Variants in ANKS1B observed in about 807,000 individuals in gnomAD.
ANKS1B encodes ankyrin repeat and sterile alpha motif domain-containing protein 1B.
A neutral mutation model predicts 148.3 loss-of-function variants in ANKS1B; 36 were observed. The observed-to-expected ratio is 0.24, with a 90% CI of 0.19 to 0.32. The LOEUF is 0.32. Among genes scored for constraint, ANKS1B ranks in the 10% least tolerant of loss-of-function variants. ANKS1B has a pLI of 1.00. For missense variants in ANKS1B, 1,157 were observed against 1,542.6 expected, an observed-to-expected ratio of 0.75 and a Z score of 4.19; for synonymous variants, 542 against 560.8, an observed-to-expected ratio of 0.97 and a Z score of 0.47.
At chr12:99,271,850 A>T (rs2077087115) in intron 12 of ANKS1B, among the ~76,000 whole-genome samples, 1 of 151,884 alleles carries the variant, frequency 6.6e-6, no homozygotes, top group Admixed American at 6.6e-5. Flanking sequence ...TGGAGGTAAC[A>T]GTTGATTTTA....
At chr12:98,789,296 T>C (rs1194044162) in intron 22 of ANKS1B, among the ~76,000 whole-genome samples, 2 of 151,952 alleles carry the variant, frequency 1.3e-5, no homozygotes, top group Non-Finnish European at 2.9e-5. Context: ...TGAGCCAAGA[T>C]TGCACCACCA....
intron 17 of ANKS1B, among the ~76,000 whole-genome samples, chr12:98,967,557 G>A (rs2099879289): frequency 6.7e-6 from 1 of 149,838 alleles, no homozygotes; most frequent in African/African-American, 2.5e-5. Context: ...ACCCTGGCCA[G>A]TGGTTTTCCT....
rs547508507 is a variant in ANKS1B at position 99,378,043 on chromosome 12, A to C, written c.1756+21588T>G. On this transcript the variant is annotated intron_variant, in intron 12 of 26. Transcript: ENST00000683438. ...AAGAGAGCCTCAAGTCAAAGATCAA[A>C]TCCAGGGTGGGACTATAAGATCATT... 3.5e-4 allele frequency among the ~76,000 whole-genome samples: 54 copies of C among 152,334 alleles called. No homozygotes were observed. The South Asian group carries it at 0.011, about 30-fold the overall frequency.
At chr12:99,131,829 C>T (rs898814310) in intron 15 of ANKS1B, among the ~76,000 whole-genome samples, 7 of 152,330 alleles carry the variant, frequency 4.6e-5, no homozygotes, top group Middle Eastern at 6.8e-3. Flanking sequence ...GGGCCGCCTA[C>T]TCAGCCTCCT....
chr12:99,657,829 T>C (rs1027081885), intron 8 of ANKS1B, among the ~76,000 whole-genome samples: 10 of 150,780 alleles, frequency 6.6e-5, no homozygotes, highest in African/African-American at 2.4e-4. Context: ...CTTTTCTATT[T>C]TGTTAATGGT....
At chr12:99,904,298 TCTC>T (rs35832700) in intron 1 of ANKS1B, among the ~76,000 whole-genome samples, 45,909 of 151,360 alleles carry the variant, frequency 0.3, 7,217 homozygotes, top group Middle Eastern at 0.41. Flanking sequence ...TTCAAGATAA[TCTC>T]CTGCCTCAGC....
chr12:99,151,994 A>G (rs1330311831), intron 15 of ANKS1B, among the ~76,000 whole-genome samples: 1 of 152,192 alleles, frequency 6.6e-6, no homozygotes, highest in East Asian at 1.9e-4. Flanking sequence ...GTGCTTCAAG[A>G]AAAACAAAAG....
At chr12:99,936,129 C>T (rs1189954912) in intron 1 of ANKS1B, among the ~76,000 whole-genome samples, 1 of 151,920 alleles carries the variant, frequency 6.6e-6, no homozygotes, top group Non-Finnish European at 1.5e-5. Flanking sequence ...CTGGTCCTGC[C>T]CTGGATGTAT....
chr12:99,460,444 A>G (rs913369140), intron 10 of ANKS1B, among the ~76,000 whole-genome samples: 4 of 152,218 alleles, frequency 2.6e-5, no homozygotes, highest in Admixed American at 2.6e-4. Context: ...AAGCTTCTGC[A>G]CAGCAAAAGA....
chr12:99,260,148 C>A (rs2075768820), intron 12 of ANKS1B, among the ~76,000 whole-genome samples: 1 of 151,972 alleles, frequency 6.6e-6, no homozygotes, highest in Non-Finnish European at 1.5e-5. Context: ...TTAATAACTT[C>A]CCATTTATAT....
intron 16 of ANKS1B, among the ~76,000 whole-genome samples, chr12:99,070,071 A>G (rs1479018412): frequency 1.3e-5 from 2 of 152,242 alleles, no homozygotes; most frequent in African/African-American, 4.8e-5. Flanking sequence ...AGTACTTAGA[A>G]TAGTGCCTGG....
chr12:99,867,306 A>T (rs548956292), intron 1 of ANKS1B, among the ~76,000 whole-genome samples: 1 of 152,270 alleles, frequency 6.6e-6, no homozygotes, highest in Admixed American at 6.5e-5. Context: ...AACCCATCCT[A>T]TAAGACAACT....
At chr12:99,729,032 C>T (rs987816485) in intron 8 of ANKS1B, among the ~76,000 whole-genome samples, 10 of 152,148 alleles carry the variant, frequency 6.6e-5, no homozygotes, top group Non-Finnish European at 7.4e-5. Flanking sequence ...CTGCAGTATT[C>T]GCTTTATTGC....
At chr12:99,964,586 C>T (rs1603517440) in intron 1 of ANKS1B, among the ~76,000 whole-genome samples, 1 of 152,152 alleles carries the variant, frequency 6.6e-6, no homozygotes, top group East Asian at 1.9e-4. Flanking sequence ...GGCATCCCTT[C>T]TGGCATGATA....
intron 8 of ANKS1B, among the ~76,000 whole-genome samples, chr12:99,742,394 T>C (rs770976609): frequency 6.6e-6 from 1 of 152,008 alleles, no homozygotes; most frequent in Non-Finnish European, 1.5e-5. Flanking sequence ...AAAAATATAA[T>C]TTTTTAAAAA....
At chr12:99,223,266 C>T (rs574836447) in intron 14 of ANKS1B, among the ~76,000 whole-genome samples, 208 of 152,176 alleles carry the variant, frequency 1.4e-3, no homozygotes, top group African/African-American at 4.6e-3. Context: ...CATCAGGGAC[C>T]GGTGTTATGG....
chr12:99,312,735 T>C (rs1300914711), intron 12 of ANKS1B, among the ~76,000 whole-genome samples: 2 of 152,068 alleles, frequency 1.3e-5, no homozygotes, highest in Non-Finnish European at 2.9e-5. Flanking sequence ...ACCATCTTTC[T>C]CATCCGTGAC....
chr12:98,768,880 GT>G (rs1205233051), intron 25 of ANKS1B, among the ~76,000 whole-genome samples: 1 of 109,940 alleles, frequency 9.1e-6, no homozygotes, highest in Non-Finnish European at 1.9e-5. Flanking sequence ...CCTAGCTTCT[GT>G]AGGGGGGGCT....
At chr12:99,078,912 C>T (rs914773445) in intron 16 of ANKS1B, among the ~76,000 whole-genome samples, 1 of 152,156 alleles carries the variant, frequency 6.6e-6, no homozygotes, top group Non-Finnish European at 1.5e-5. Context: ...CTGTGACTTC[C>T]ATCTTGCTAG....
Sources: allele counts gnomAD v4.1 joint callset (sites outside exome capture counted in the v4.1 genomes callset), GRCh38; gene constraint gnomAD v4.1.1; transcripts MANE v1.5; gene names NCBI Gene and HGNC (gene_info 2026-07-23, HGNC 2026-07-21).